LRRC9: variants seen among roughly 807,000 people sequenced by gnomAD.
LRRC9 encodes the protein leucine rich repeat containing 9.
LRRC9 carries 122 observed loss-of-function variants against 63.2 expected under a neutral mutation model. The observed-to-expected ratio is 1.93, with a 90% CI of 1.67 to 2.24. LRRC9 has a LOEUF of 2.24. Among genes scored for constraint, LRRC9 ranks in the 30% most tolerant of loss-of-function variants. The pLI is 0.00. For synonymous variants in LRRC9, 366 were observed against 213.1 expected (o/e 1.72, Z -6.25); for missense variants, 1,071 against 627.7 (o/e 1.71, Z -7.55).
At position 59,923,823 on chromosome 14, in the gene LRRC9, T is replaced by A. The variant is rs193272055; in HGVS notation, c.-34+3940T>A. Among the ~76,000 whole-genome samples the A allele has an allele frequency of 5.1e-3, 771 of 152,200 alleles. 8 individuals carry two copies. Among genetic ancestry groups the A allele is most frequent in the Non-Finnish European group, 5.7e-3 (387 of 67,994 alleles). ...GGGCGTGGTGGCAGGCGCCTATAGTTCCAGCGACTCCGAAGGCTGAGGCAG... is the reference window on the plus strand; with the variant it reads ...GGGCGTGGTGGCAGGCGCCTATAGTACCAGCGACTCCGAAGGCTGAGGCAG... On this transcript the variant is annotated intron_variant, in intron 1 of 31. Coordinates refer to ENST00000445360, the Ensembl canonical transcript of LRRC9. This position sits in a 1 kb window ranked among gnomAD's most constrained non-coding sequence, Gnocchi z 4.2.
At chr14:59,980,296 C>T (rs1886793043) in intron 15 of LRRC9, among the ~76,000 whole-genome samples, 1 of 151,980 alleles carries the variant, frequency 6.6e-6, no homozygotes, top group Non-Finnish European at 1.5e-5. Context: ...AAATTATTTG[C>T]ATATATGAGG....
At chr14:59,945,159 AC>A (rs1371805514) in intron 8 of LRRC9, among the ~76,000 whole-genome samples, 3 of 151,672 alleles carry the variant, frequency 2.0e-5, no homozygotes, top group Non-Finnish European at 4.4e-5. Context: ...AAAAAAAAAA[AC>A]CCTTTCCTAA....
At chr14:59,968,870 G>A (rs1594896297) in intron 12 of LRRC9, among the ~76,000 whole-genome samples, 3 of 152,134 alleles carry the variant, frequency 2.0e-5, no homozygotes, top group South Asian at 4.1e-4. Context: ...CAAAAGAGTA[G>A]CCACCACCCA....
rs187117318 is a variant in LRRC9 at position 60,051,997 on chromosome 14, C to A, written c.3991-1068C>A. 2.7e-4 allele frequency among the ~76,000 whole-genome samples: 41 copies of A among 152,296 alleles called. No homozygotes were observed. Among genetic ancestry groups the A allele is most frequent in the Admixed American group, 2.5e-3 (38 of 15,304 alleles). ...CTGCTTTTCTTTGTTCCCCATGGAT[C>A]CAGTTGATTGCCTAGTCAGTCCCAA... On this transcript the variant is annotated intron_variant, in intron 29 of 31. Coordinates refer to ENST00000445360, the Ensembl canonical transcript of LRRC9. This position sits in a 1 kb window ranked among gnomAD's most constrained non-coding sequence, Gnocchi z 4.7.
At chr14:60,039,254 G>A (rs961733922) in intron 29 of LRRC9, among the ~76,000 whole-genome samples, 5 of 152,142 alleles carry the variant, frequency 3.3e-5, no homozygotes, top group Admixed American at 6.5e-5. Flanking sequence ...CCAGGCTTTC[G>A]TATCGGGATG....
At chr14:59,988,826 T>C (rs1000236714) in intron 17 of LRRC9, among the ~76,000 whole-genome samples, 15 of 152,200 alleles carry the variant, frequency 9.9e-5, no homozygotes, top group African/African-American at 3.4e-4. Context: ...TATATCCTAT[T>C]ATAGATCATA....
rs1006598390 is a variant in LRRC9, at chr14:60,027,506, A to G, written c.3704-378A>G. Among the ~76,000 whole-genome samples, 1 of 152,072 alleles carries G rather than the reference A, an allele frequency of 6.6e-6. No individual in the cohort carries two copies. The highest frequency in any genetic ancestry group is 1.5e-5 in the Non-Finnish European group (1 of 67,970). On this transcript the variant is annotated intron_variant, in intron 27 of 31. Coordinates refer to ENST00000445360, the Ensembl canonical transcript of LRRC9. The surrounding 1 kb of genome is among the most constrained non-coding windows in gnomAD (Gnocchi z 4.0). ...AGTCTATTTTAAGAAATAATTAAAT[A>G]TACTATTGTAATATCTATTAGAGTA...
chr14:59,978,147 A>G lies in LRRC9; in HGVS notation c.1878+15A>G, dbSNP rs906991422. On this transcript the variant is annotated intron_variant, in intron 15 of 31. Transcript: ENST00000445360. ...ATATTACAATGGTATGAATTGTTAC[A>G]TATTCTTAAAGACTAATTCTAATTC... 1.6e-5 allele frequency: 11 copies of G among 700,268 alleles called. No individual in the cohort carries two copies. In the African/African-American group the frequency reaches 1.7e-4, roughly 11 times the overall value. 43.4% of individuals were successfully genotyped at this position (700,268 alleles called of 1,614,324 possible). A position where few individuals can be genotyped will look rare whatever the true frequency, so the allele number is the denominator to read the frequency against.
chr14:59,985,516 A>C (rs1254598689), intron 17 of LRRC9, among the ~76,000 whole-genome samples: 3 of 152,162 alleles, frequency 2.0e-5, no homozygotes, highest in African/African-American at 7.2e-5. Flanking sequence ...AACTGTGCTG[A>C]CTCTGGGCAC....
intron 30 of LRRC9, among the ~76,000 whole-genome samples, chr14:60,055,100 A>AT (rs1894175281): frequency 6.6e-6 from 1 of 152,124 alleles, no homozygotes; most frequent in African/African-American, 2.4e-5. Context: ...TAATCTTGAC[A>AT]TTTTTTGATT....
chr14:59,999,044 T>A (rs1407223615), intron 18 of LRRC9, 57 bp from the exon 19 acceptor site: 1 of 570,182 alleles, frequency 1.8e-6, no homozygotes, highest in Admixed American at 3.1e-5. Flanking sequence ...AACAGTCATT[T>A]TCATGCCATA....
At position 59,964,349 on chromosome 14, in the gene LRRC9, G is replaced by A. The variant is rs1040400013; in HGVS notation, c.1212-2240G>A. On this transcript the variant is annotated intron_variant, in intron 10 of 31. Transcript: ENST00000445360. The surrounding 1 kb of genome is among the most constrained non-coding windows in gnomAD (Gnocchi z 4.4). ...GTACCGCACTGCTCTTGAAGCAAACGCAGTACTCCACCACATAAGTGGTTT... is the reference window on the plus strand; with the variant it reads ...GTACCGCACTGCTCTTGAAGCAAACACAGTACTCCACCACATAAGTGGTTT... Among the ~76,000 whole-genome samples, 3 of 152,160 alleles carry A rather than the reference G, an allele frequency of 2.0e-5. No individual in the cohort carries two copies. The highest frequency in any genetic ancestry group is 4.1e-4 in the South Asian group (2 of 4,834).
intron 13 of LRRC9, among the ~76,000 whole-genome samples, chr14:59,975,127 G>GTATATA (rs1286444884): frequency 3.3e-4 from 3 of 9,162 alleles, no homozygotes; most frequent in African/African-American, 4.2e-4. Context: ...ATATATATAT[G>GTATATA]TATATATATA....
intron 8 of LRRC9, among the ~76,000 whole-genome samples, chr14:59,959,237 T>A (rs888170528): frequency 6.6e-6 from 1 of 152,158 alleles, no homozygotes; most frequent in Non-Finnish European, 1.5e-5. Context: ...TGCAAAAAGT[T>A]CATTATGATA....
chr14:60,041,182 A>T (rs560778684), intron 29 of LRRC9, among the ~76,000 whole-genome samples: 1 of 151,090 alleles, frequency 6.6e-6, no homozygotes, highest in African/African-American at 2.5e-5. Flanking sequence ...CTCTCTCACT[A>T]CCCTTAACAT....
At chr14:60,056,783 C>T (rs771856775) in intron 30 of LRRC9, among the ~76,000 whole-genome samples, 1 of 152,120 alleles carries the variant, frequency 6.6e-6, no homozygotes, top group Non-Finnish European at 1.5e-5. Context: ...TTTCTTTTAA[C>T]TAGCTGTTCA....
intron 23 of LRRC9, among the ~76,000 whole-genome samples, chr14:60,016,395 A>G (rs1263145669): frequency 2.0e-5 from 3 of 152,030 alleles, no homozygotes; most frequent in Non-Finnish European, 4.4e-5. Flanking sequence ...TTGTAGAGAC[A>G]GGGTCTCACT....
chr14:60,008,127 G>T, exon 23 of LRRC9: 2 of 701,226 alleles, frequency 2.9e-6, no homozygotes, highest in South Asian at 3.0e-5. Flanking sequence ...ACATGTGTGG[G>T]AACATCATTA....
chr14:60,046,721 T>C (rs1488649031), intron 29 of LRRC9, among the ~76,000 whole-genome samples: 1 of 152,240 alleles, frequency 6.6e-6, no homozygotes, highest in East Asian at 1.9e-4. Context: ...CCTTCAGCTT[T>C]GTTCTTTTTC....
Sources: gnomAD v4.1 joint callset for allele counts (sites outside exome capture counted in the v4.1 genomes callset) on GRCh38, gnomAD v4.1.1 for gene constraint, Gnocchi (gnomAD v3.1) non-coding constraint, MANE v1.5 for transcripts, NCBI Gene and HGNC (gene_info 2026-07-23, HGNC 2026-07-21) for gene names.